The following NUDCD3 variants were observed in gnomAD, a reference collection of about 807,000 sequenced individuals.
The protein encoded by NUDCD3 is nudC domain-containing protein 3.
A neutral mutation model predicts 39.7 loss-of-function variants in NUDCD3; 13 were observed. The ratio of observed to expected loss-of-function variants is 0.33; its 90% CI spans 0.21 to 0.52. NUDCD3 has a LOEUF of 0.52. Among genes scored for constraint, NUDCD3 ranks in the 20% least tolerant of loss-of-function variants. The probability of loss-of-function intolerance (pLI) is 0.96; values close to 1 mark genes in which losing one functional copy is unlikely to be tolerated. For synonymous variants in NUDCD3, 175 were observed against 172.4 expected (o/e 1.02, Z -0.12); for missense variants, 453 against 458.1 (o/e 0.99, Z 0.10).
chr7:44,386,952 C>A (rs1385635586), intron 5 of NUDCD3, among the ~76,000 whole-genome samples: 1 of 152,112 alleles, frequency 6.6e-6, no homozygotes. Flanking sequence ...ACACTGAGGG[C>A]TAGGGATGAT....
At chr7:44,436,695 T>C (rs1028458958) in intron 2 of NUDCD3, among the ~76,000 whole-genome samples, 1 of 152,254 alleles carries the variant, frequency 6.6e-6, no homozygotes, top group African/African-American at 2.4e-5. Flanking sequence ...GCTCTTCATA[T>C]ACTTATTGGT....
rs146946780 is a variant in NUDCD3 at position 44,488,318 on chromosome 7, G to A, written c.192+2091C>T. 6.8e-3 allele frequency among the ~76,000 whole-genome samples: 970 copies of A among 143,090 alleles called. 10 individuals carry two copies. Among genetic ancestry groups the A allele is most frequent in the African/African-American group, 0.024 (913 of 38,194 alleles). 93.9% of individuals were successfully genotyped at this position (143,090 alleles called of 152,430 possible). On this transcript the variant is annotated intron_variant, in intron 1 of 5. Coordinates refer to ENST00000355451, the MANE Select transcript of NUDCD3 (RefSeq NM_015332.4). ...CCACTGCACTCCAGCCTGGGCGACA[G>A]AGTGAGACTCCATCTCCAGGAAAAA...
chr7:44,398,677 A>G (rs1452464744), intron 4 of NUDCD3, among the ~76,000 whole-genome samples: 1 of 152,148 alleles, frequency 6.6e-6, no homozygotes, highest in Non-Finnish European at 1.5e-5. Context: ...CCTCATTTCT[A>G]TTCAGGGAAG....
intron 4 of NUDCD3, among the ~76,000 whole-genome samples, chr7:44,397,869 G>A (rs1160970478): frequency 6.6e-6 from 1 of 152,094 alleles, no homozygotes; most frequent in Non-Finnish European, 1.5e-5. Context: ...CCAGTCCAGA[G>A]TCCTTCCTGC....
Position 44,380,631 on chromosome 7 carries a change from T to A in NUDCD3, c.*5380A>T, listed in dbSNP as rs1798290303. On this transcript the variant is annotated 3_prime_UTR_variant, in exon 6 of 6. Transcript: ENST00000355451. ...GTAAATGAGGTCTCCACACACTGGG[T>A]CATTAGTACCCACAAGCAATCACTG... The A allele has an allele frequency of 6.6e-6, 1 of 152,094 alleles. No homozygotes were observed. Among genetic ancestry groups the A allele is most frequent in the African/African-American group, 2.4e-5 (1 of 41,368 alleles). The allele number at this position is 152,094 out of a possible 1,614,324, so 9.4% of individuals were successfully genotyped here.
chr7:44,404,135 T>C (rs1798773682), intron 4 of NUDCD3, among the ~76,000 whole-genome samples: 1 of 152,234 alleles, frequency 6.6e-6, no homozygotes, highest in African/African-American at 2.4e-5. Context: ...ATTAACTCTG[T>C]ACCCTCCAGA....
chr7:44,394,350 T>C (rs1300562253), intron 4 of NUDCD3, among the ~76,000 whole-genome samples: 1 of 152,246 alleles, frequency 6.6e-6, no homozygotes, highest in Non-Finnish European at 1.5e-5. Context: ...CTAAGCTGGT[T>C]TGTCGTTGAC....
intron 3 of NUDCD3, among the ~76,000 whole-genome samples, chr7:44,416,077 TTTTAC>T (rs1306499012): frequency 3.3e-5 from 5 of 152,180 alleles, no homozygotes; most frequent in African/African-American, 1.2e-4. Flanking sequence ...GAATTTTTAT[TTTTAC>T]TTTATTTTAT....
rs542418842 is a variant in NUDCD3 at position 44,390,506 on chromosome 7, G to A, written c.975+1791C>T. Reference sequence around the variant, plus strand: ...CAGTGTCAGTGTCTGGGGAAGATGTGAGAAACCACCTGACCTTAGTCCCTC... The same window carrying A: ...CAGTGTCAGTGTCTGGGGAAGATGTAAGAAACCACCTGACCTTAGTCCCTC... On this transcript the variant is annotated intron_variant, in intron 5 of 5. Transcript: ENST00000355451. Among the ~76,000 whole-genome samples, 25 of 152,024 alleles carry A rather than the reference G, an allele frequency of 1.6e-4. No homozygotes were observed. In the East Asian group the frequency reaches 2.5e-3, roughly 15 times the overall value.
At chr7:44,463,129 T>C (rs765442866) in intron 2 of NUDCD3, among the ~76,000 whole-genome samples, 1 of 152,180 alleles carries the variant, frequency 6.6e-6, no homozygotes, top group Non-Finnish European at 1.5e-5. Context: ...TTGACCCCGA[T>C]AGGGTCAGGA....
At chr7:44,421,570 A>G (rs1366518501) in intron 3 of NUDCD3, among the ~76,000 whole-genome samples, 1 of 152,102 alleles carries the variant, frequency 6.6e-6, no homozygotes, top group African/African-American at 2.4e-5. Flanking sequence ...AAAAAGACAA[A>G]GAAGGGCATT....
intron 5 of NUDCD3, among the ~76,000 whole-genome samples, chr7:44,390,373 A>G (rs1320809277): frequency 1.3e-5 from 2 of 152,152 alleles, no homozygotes; most frequent in African/African-American, 4.8e-5. Context: ...CAAAAAATTT[A>G]AAAAATAAAA....
At chr7:44,442,285 T>C (rs776585753) in intron 2 of NUDCD3, among the ~76,000 whole-genome samples, 5 of 152,228 alleles carry the variant, frequency 3.3e-5, no homozygotes, top group South Asian at 2.1e-4. Flanking sequence ...TAAAAAGTGA[T>C]TGCAAATCAC....
intron 3 of NUDCD3, among the ~76,000 whole-genome samples, chr7:44,406,076 CAT>C (rs1261285204): frequency 8.5e-5 from 13 of 152,162 alleles, no homozygotes; most frequent in Admixed American, 1.3e-4. Context: ...TGGGATGACA[CAT>C]GTGAGCCACC....
intron 2 of NUDCD3, among the ~76,000 whole-genome samples, chr7:44,463,352 G>T (rs1800054762): frequency 6.6e-6 from 1 of 152,152 alleles, no homozygotes; most frequent in Non-Finnish European, 1.5e-5. Context: ...ACCCACAGAG[G>T]GCACGGAGCC....
chr7:44,457,533 T>C (rs1353332184), intron 2 of NUDCD3, among the ~76,000 whole-genome samples: 1 of 151,842 alleles, frequency 6.6e-6, no homozygotes, highest in African/African-American at 2.4e-5. Flanking sequence ...AATCTGAAAA[T>C]GAAATTAAGA....
intron 4 of NUDCD3, among the ~76,000 whole-genome samples, chr7:44,393,057 G>C (rs1303693967): frequency 3.3e-5 from 5 of 151,994 alleles, no homozygotes; most frequent in African/African-American, 1.2e-4. Flanking sequence ...GAATCTCCTG[G>C]GGAGTCCTCA....
intron 2 of NUDCD3, among the ~76,000 whole-genome samples, chr7:44,465,950 G>C (rs1213190528): frequency 6.6e-6 from 1 of 152,186 alleles, no homozygotes; most frequent in African/African-American, 2.4e-5. Context: ...CAAAATCACA[G>C]ATGCTTGGCC....
chr7:44,405,437 C>T (rs1196304110), intron 3 of NUDCD3, among the ~76,000 whole-genome samples: 1 of 152,200 alleles, frequency 6.6e-6, no homozygotes, highest in East Asian at 1.9e-4. Context: ...GGTATGCATA[C>T]CCCAGGAGGT....
Sources: allele counts gnomAD v4.1 joint callset (sites outside exome capture counted in the v4.1 genomes callset), GRCh38; gene constraint gnomAD v4.1.1; transcripts MANE v1.5; gene names NCBI Gene and HGNC (gene_info 2026-07-23, HGNC 2026-07-21).